The following CSTL1 variants were observed in gnomAD, a reference collection of about 807,000 sequenced individuals.
The protein encoded by CSTL1 is cystatin-like 1.
CSTL1 carries 14 observed loss-of-function variants against 14.4 expected under a neutral mutation model. That is an observed-to-expected ratio of 0.97 (90% CI 0.64 to 1.52). The LOEUF is 1.52. Ranked by LOEUF, CSTL1 falls within the 40% of genes most tolerant of loss-of-function variation. CSTL1 has a pLI of 0.00. For synonymous variants in CSTL1, 72 were observed against 67.5 expected (o/e 1.07, Z -0.33); for missense variants, 170 against 168.7 (o/e 1.01, Z -0.04).
At position 23,440,404 on chromosome 20, in the gene CSTL1, A is replaced by T. The variant is rs759822593; in HGVS notation, c.137A>T (p.Asn46Ile). 5.0e-6 allele frequency: 8 copies of T among 1,614,006 alleles called. No individual in the cohort carries two copies. The highest frequency in any genetic ancestry group is 2.2e-5 in the East Asian group (1 of 44,900). Residue 46 changes from asparagine to isoleucine, a missense_variant, in exon 2 of 4, where the codon AAC becomes ATC. Physicochemically the swap from Asn to Ile is moderately radical, Grantham distance 149. Transcript: ENST00000347397. ...MSKKNMNSTL[N>I]FFIQSYNNAS... Reference sequence around the variant, plus strand: ...AAGAAGAACATGAATTCAACACTCAACTTCTTCATTCAATCCTACAACAAT... The same window carrying T: ...AAGAAGAACATGAATTCAACACTCATCTTCTTCATTCAATCCTACAACAAT...
At chr20:23,442,052 G>GT (rs1986847446) in intron 2 of CSTL1, among the ~76,000 whole-genome samples, 1 of 152,248 alleles carries the variant, frequency 6.6e-6, no homozygotes, top group African/African-American at 2.4e-5. Context: ...TCCACAATTG[G>GT]TTAAGACCCC....
At chr20:23,446,253 CTT>C (rs552330748), downstream of CSTL1, among the ~76,000 whole-genome samples, 1 of 145,756 alleles carries the variant, frequency 6.9e-6, no homozygotes. Context: ...GCCTTTCTTT[CTT>C]TTTTTTTTTT....
downstream of CSTL1, among the ~76,000 whole-genome samples, chr20:23,449,320 G>A (rs751554988): frequency 3.3e-4 from 50 of 152,138 alleles, no homozygotes; most frequent in Non-Finnish European, 6.5e-4. Context: ...AGCCAATACT[G>A]ATGGGAACTG....
chr20:23,448,988 C>T (rs1227713721), downstream of CSTL1, among the ~76,000 whole-genome samples: 1 of 152,202 alleles, frequency 6.6e-6, no homozygotes, highest in Non-Finnish European at 1.5e-5. Flanking sequence ...GAGGGAAACC[C>T]CACCTGGGCC....
chr20:23,439,979 A>G (rs1361965387), intron 1 of CSTL1, among the ~76,000 whole-genome samples, 165 bp from the exon 2 acceptor site: 3 of 152,120 alleles, frequency 2.0e-5, no homozygotes, highest in African/African-American at 7.2e-5. Context: ...TTCTTCCCTG[A>G]GACATGTGAA....
chr20:23,441,531 G>C (rs1220641352), intron 2 of CSTL1, among the ~76,000 whole-genome samples: 2 of 152,126 alleles, frequency 1.3e-5, no homozygotes, highest in African/African-American at 4.8e-5. Context: ...AGTCTTTTAT[G>C]TAAAATGGAA....
chr20:23,445,426 A>G (rs1313876589), downstream of CSTL1, among the ~76,000 whole-genome samples: 2 of 151,914 alleles, frequency 1.3e-5, no homozygotes, highest in East Asian at 3.9e-4. Flanking sequence ...CTAATTTTTT[A>G]AAACACTTTT....
At chr20:23,456,460 G>T in the CSTL1 span, among the ~76,000 whole-genome samples, 2 of 152,142 alleles carry the variant, frequency 1.3e-5, no homozygotes, top group Non-Finnish European at 2.9e-5. Context: ...GAGCAGAGAA[G>T]GAAGATGTAG....
At chr20:23,452,008 T>C in the CSTL1 span, 1 of 923,510 alleles carries the variant, frequency 1.1e-6, no homozygotes, top group Non-Finnish European at 1.8e-6. Flanking sequence ...CTACCCCACG[T>C]CCAAGGGCAA....
the CSTL1 span, among the ~76,000 whole-genome samples, chr20:23,456,915 G>C: frequency 6.6e-6 from 1 of 152,074 alleles, no homozygotes; most frequent in South Asian, 2.1e-4. Flanking sequence ...CTCTTCTAAG[G>C]ACGTGATTAA....
chr20:23,446,693 C>A (rs6114088), downstream of CSTL1, among the ~76,000 whole-genome samples: 649 of 152,250 alleles, frequency 4.3e-3, 4 homozygotes, highest in African/African-American at 0.015. Flanking sequence ...GGCTGACAGT[C>A]GATTAGAGAA....
the CSTL1 span, among the ~76,000 whole-genome samples, chr20:23,460,601 C>T: frequency 6.6e-6 from 1 of 151,910 alleles, no homozygotes; most frequent in Admixed American, 6.6e-5. Context: ...ACCTGGGAGA[C>T]AGGTGCCTTT....
chr20:23,440,112 A>G, intron 1 of CSTL1, 32 bp from the exon 2 acceptor site: 1 of 685,304 alleles, frequency 1.5e-6, no homozygotes, highest in Non-Finnish European at 2.5e-6. Context: ...CTGAGTGACA[A>G]GGTTCAGGTC....
downstream of CSTL1, among the ~76,000 whole-genome samples, chr20:23,446,992 CA>C (rs143614187): frequency 1.3e-5 from 2 of 152,148 alleles, no homozygotes; most frequent in Non-Finnish European, 2.9e-5. Context: ...GTCACAAAAA[CA>C]AAAAGGCCAG....
the CSTL1 span, chr20:23,450,526 T>A: frequency 6.2e-7 from 1 of 1,612,080 alleles, no homozygotes; most frequent in Non-Finnish European, 8.5e-7. Context: ...CTGCAGCTTT[T>A]GTTCAAAATT....
At chr20:23,444,124 C>CA in intron 3 of CSTL1, 80 bp downstream of exon 3, 1 of 1,317,356 alleles carries the variant, frequency 7.6e-7, no homozygotes, top group Non-Finnish European at 1.1e-6. Context: ...GCAGTTTTGC[C>CA]ACTTGTGTGG....
chr20:23,450,631 T>C, the CSTL1 span: 1 of 1,506,700 alleles, frequency 6.6e-7, no homozygotes, highest in Non-Finnish European at 9.1e-7. Context: ...AGACGCCAGG[T>C]GAAATTTAAA....
chr20:23,455,914 G>C, the CSTL1 span, among the ~76,000 whole-genome samples: 2 of 152,170 alleles, frequency 1.3e-5, no homozygotes, highest in East Asian at 1.9e-4. Context: ...TCTTGATCTT[G>C]TCTTTTTTCC....
chr20:23,457,306 C>G, the CSTL1 span, among the ~76,000 whole-genome samples: 1 of 152,198 alleles, frequency 6.6e-6, no homozygotes, highest in Non-Finnish European at 1.5e-5. Flanking sequence ...TCCCTCAGAA[C>G]TTCCTCTGTT....
Sources: gnomAD v4.1 joint callset for allele counts (sites outside exome capture counted in the v4.1 genomes callset) on GRCh38, gnomAD v4.1.1 for gene constraint, MANE v1.5 for transcripts, NCBI Gene and HGNC (gene_info 2026-07-23, HGNC 2026-07-21) for gene names.